SQOR: variants seen among roughly 807,000 people sequenced by gnomAD.
SQOR encodes sulfide quinone oxidoreductase.
Under a neutral mutation model 48.6 loss-of-function variants are expected in SQOR, and 39 were observed. The observed-to-expected ratio is 0.80, with a 90% confidence interval of 0.62 to 1.05. The LOEUF (loss-of-function observed/expected upper bound fraction) is 1.05, where lower values mean the gene tolerates loss of function less well. SQOR is among the 50% of genes least tolerant of loss of function. The pLI is 0.00. For synonymous variants in SQOR, 220 were observed against 206.2 expected (o/e 1.07, Z -0.57); for missense variants, 561 against 559.9 (o/e 1.00, Z -0.02).
chr15:45,647,270 A>G (rs1889360100), intron 1 of SQOR, among the ~76,000 whole-genome samples: 1 of 151,230 alleles, frequency 6.6e-6, no homozygotes, highest in Non-Finnish European at 1.5e-5. Context: ...ACAAAACAAA[A>G]CATATATTCA....
intron 6 of SQOR, among the ~76,000 whole-genome samples, chr15:45,679,482 T>C (rs1418327174): frequency 6.6e-6 from 1 of 152,096 alleles, no homozygotes; most frequent in Non-Finnish European, 1.5e-5. Context: ...GGCGGGTGGA[T>C]CACGAAGTCA....
intron 1 of SQOR, among the ~76,000 whole-genome samples, chr15:45,653,753 A>G (rs764568826): frequency 3.3e-5 from 5 of 152,218 alleles, no homozygotes; most frequent in African/African-American, 9.6e-5. Flanking sequence ...TGACACTTCC[A>G]TCACTCAGGT....
chr15:45,669,765 G>A (rs1301868150), intron 3 of SQOR, among the ~76,000 whole-genome samples, 163 bp from the exon 4 acceptor site: 1 of 152,162 alleles, frequency 6.6e-6, no homozygotes, highest in East Asian at 1.9e-4. Context: ...ACCTGGGCAG[G>A]ACTCCCAACC....
At chr15:45,674,300 C>T (rs1331282433) in intron 5 of SQOR, among the ~76,000 whole-genome samples, 3 of 151,984 alleles carry the variant, frequency 2.0e-5, no homozygotes, top group South Asian at 2.1e-4. Context: ...ATTAGCTGGG[C>T]GTGGTGGTGC....
In SQOR at chr15:45,673,773, T is replaced by C. The variant is rs776794288; in HGVS notation, c.626T>C (p.Met209Thr). 19 of 1,614,146 alleles carry C rather than the reference T, an allele frequency of 1.2e-5. No individual in the cohort carries two copies. In the East Asian group the frequency reaches 2.0e-4, roughly 17 times the overall value. ...VKCAGAPQKIMYLSEAYFRKT... is the reference protein window; with the variant it reads ...VKCAGAPQKITYLSEAYFRKT... ...TGTGCTGGAGCCCCTCAGAAGATCATGTACTTATCAGAAGCCTACTTCAGG... is the reference window on the plus strand; with the variant it reads ...TGTGCTGGAGCCCCTCAGAAGATCACGTACTTATCAGAAGCCTACTTCAGG... Residue 209 changes from methionine to threonine, a missense_variant, in exon 5 of 10, where the codon ATG becomes ACG. Coordinates refer to ENST00000260324, the MANE Select transcript of SQOR (RefSeq NM_021199.4).
chr15:45,684,981 A>G (rs970856686), intron 7 of SQOR, among the ~76,000 whole-genome samples: 1 of 152,174 alleles, frequency 6.6e-6, no homozygotes, highest in African/African-American at 2.4e-5. Flanking sequence ...GAGCTTATTT[A>G]AAGAGTCCAC....
In SQOR at chr15:45,635,120, C is replaced by G. The variant is rs968433102; in HGVS notation, c.-18+12C>G. On this transcript the variant is annotated intron_variant, in intron 1 of 9. Transcript: ENST00000260324. Reference sequence around the variant, plus strand: ...CCGCTCACGCCCGGGTAAGAGGCATCCGCGGCCGATCTTTGGCCCTGGGCC... The same window carrying G: ...CCGCTCACGCCCGGGTAAGAGGCATGCGCGGCCGATCTTTGGCCCTGGGCC... 1 of 152,406 alleles carries G rather than the reference C, an allele frequency of 6.6e-6. No individual in the cohort carries two copies. The highest frequency in any genetic ancestry group is 1.9e-4 in the East Asian group (1 of 5,188). The allele number at this position is 152,406 out of a possible 1,614,324, so 9.4% of individuals were successfully genotyped here. A position where few individuals can be genotyped will look rare whatever the true frequency, so the allele number is the denominator to read the frequency against.
intron 9 of SQOR, among the ~76,000 whole-genome samples, chr15:45,690,152 A>G (rs1463386945): frequency 8.1e-6 from 1 of 123,874 alleles, no homozygotes; most frequent in Admixed American, 9.6e-5. Flanking sequence ...TGCAACCTCC[A>G]CCTCCCGGGT....
rs772051517 is a variant in SQOR at position 45,682,658 on chromosome 15, G to A, written c.1045G>A (p.Val349Ile). 2.5e-6 allele frequency: 4 copies of A among 1,613,506 alleles called. No homozygotes were observed. The South Asian group carries it at 4.4e-5, about 18-fold the overall frequency. Residue 349 changes from valine to isoleucine, a missense_variant, in exon 7 of 10, where the codon GTA becomes ATA. By Grantham distance (29) the Val-to-Ile change is conservative. Transcript: ENST00000260324. ...NLPTSKTAAA[V>I]AAQSGILDRT... ...TCCTACGTCAAAGACCGCTGCTGCA[G>A]TAGGTAAGTCAACCAGCTCCATTTC...
At chr15:45,656,150 A>G (rs913609536) in intron 1 of SQOR, among the ~76,000 whole-genome samples, 1 of 152,160 alleles carries the variant, frequency 6.6e-6, no homozygotes, top group African/African-American at 2.4e-5. Flanking sequence ...CATGGGCTAT[A>G]TAACTTTGAG....
chr15:45,658,941 T>C lies in SQOR; in HGVS notation c.18T>C (p.Ala6=). The change falls in exon 2 of 10, where the codon GCT becomes GCC. Residue 6 remains alanine, a synonymous_variant. Coordinates refer to ENST00000260324, the MANE Select transcript of SQOR (RefSeq NM_021199.4). MVPLV[A]VVSGPRAQLF... is the part of the protein sequence containing the mutation. The stretch of plus-strand genomic sequence containing the variant: ...GCCTGAAGATGGTGCCACTGGTGGC[T>C]GTGGTATCAGGGCCCCGTGCCCAGC... 1 of 1,567,930 alleles carries C rather than the reference T, an allele frequency of 6.4e-7. No homozygotes were observed. The highest frequency in any genetic ancestry group is 1.2e-5 in the South Asian group (1 of 86,566).
chr15:45,659,073 TG>T lies in SQOR; in HGVS notation c.155del (p.Gly52AlafsTer11). 1 of 1,594,586 alleles carries T rather than the reference TG, an allele frequency of 6.3e-7. No individual in the cohort carries two copies. The highest frequency in any genetic ancestry group is 8.5e-7 in the Non-Finnish European group (1 of 1,171,004). On this transcript the variant is annotated frameshift_variant, in exon 2 of 10. Coordinates refer to ENST00000260324, the MANE Select transcript of SQOR (RefSeq NM_021199.4). LOFTEE classifies it high-confidence loss of function. ...ACCATTATGAGGTGCTGGTGCTGGG[TG>T]GGGGCAGTGGCGGAATCACCATGGC... ...RNHYEVLVLG[G>X]GSGGITMAAR... is the part of the protein sequence containing the mutation.
chr15:45,651,406 G>A (rs1173911130), intron 1 of SQOR, among the ~76,000 whole-genome samples: 5 of 152,214 alleles, frequency 3.3e-5, no homozygotes, highest in Non-Finnish European at 7.3e-5. Context: ...CTCCCTGCAA[G>A]CAGAGGGAGC....
At chr15:45,672,184 G>A (rs1595505533) in intron 4 of SQOR, among the ~76,000 whole-genome samples, 3 of 151,984 alleles carry the variant, frequency 2.0e-5, no homozygotes, top group East Asian at 3.9e-4. Context: ...AAGGTATGGC[G>A]GTCCTGTGCG....
chr15:45,669,178 AT>A (rs145149961), intron 3 of SQOR, among the ~76,000 whole-genome samples: 2 of 147,220 alleles, frequency 1.4e-5, no homozygotes, highest in African/African-American at 2.5e-5. Flanking sequence ...TTTTTTTTTA[AT>A]TTTTTTTTGA....
chr15:45,651,449 C>T (rs1012344199), intron 1 of SQOR, among the ~76,000 whole-genome samples: 1 of 152,228 alleles, frequency 6.6e-6, no homozygotes, highest in Non-Finnish European at 1.5e-5. Context: ...ATAGAGGGGC[C>T]CCCACAGCGC....
In SQOR at chr15:45,662,082, T is replaced by C; in HGVS notation, c.362T>C (p.Leu121Ser). 6.2e-7 allele frequency: 1 copy of C among 1,614,202 alleles called. No individual in the cohort carries two copies. The highest frequency in any genetic ancestry group is 8.5e-7 in the Non-Finnish European group (1 of 1,180,018). Residue 121 changes from leucine to serine, a missense_variant, in exon 3 of 10, where the codon TTG becomes TCG. Coordinates refer to ENST00000260324, the MANE Select transcript of SQOR (RefSeq NM_021199.4). ...VEWIKARVTELNPDKNCIHTD... is the reference protein window; with the variant it reads ...VEWIKARVTESNPDKNCIHTD... ...TGGATCAAAGCTAGAGTGACTGAGT[T>C]GAACCCAGACAAGAACTGCATTCAC...
intron 3 of SQOR, among the ~76,000 whole-genome samples, chr15:45,668,243 A>C (rs1889874424): frequency 6.6e-6 from 1 of 152,144 alleles, no homozygotes; most frequent in African/African-American, 2.4e-5. Flanking sequence ...TGCACTGGCC[A>C]AGACATCATC....
chr15:45,676,081 G>T lies in SQOR; in HGVS notation c.655-20G>T. 1.2e-6 allele frequency: 2 copies of T among 1,604,182 alleles called. No homozygotes were observed. Among genetic ancestry groups the T allele is most frequent in the Non-Finnish European group, 1.7e-6 (2 of 1,176,036 alleles). On this transcript the variant is annotated intron_variant, in intron 5 of 9. Coordinates refer to ENST00000260324, the MANE Select transcript of SQOR (RefSeq NM_021199.4). ...GCTGCAGTCATGCTTTGGTGTGAAT[G>T]GTTTTCTTATTTTTCTCAGACAGGG...
Sources: gnomAD v4.1 joint callset for allele counts (sites outside exome capture counted in the v4.1 genomes callset) on GRCh38, gnomAD v4.1.1 for gene constraint, MANE v1.5 for transcripts, NCBI Gene and HGNC (gene_info 2026-07-23, HGNC 2026-07-21) for gene names.